Variants in PAPPA observed in about 807,000 individuals in gnomAD.
PAPPA encodes pappalysin 1, also known as pappalysin-1.
In PAPPA, 60 loss-of-function variants were observed where a neutral mutation model predicts 164.0. The observed-to-expected ratio is 0.37, with a 90% CI of 0.30 to 0.45. The LOEUF (loss-of-function observed/expected upper bound fraction) is 0.45. Ranked by LOEUF, PAPPA falls within the 20% of genes least tolerant of loss-of-function variation. The probability of loss-of-function intolerance (pLI) is 1.00; values close to 1 mark genes in which losing one functional copy is unlikely to be tolerated. For missense variants in PAPPA, 1,782 were observed against 2,087.3 expected, an observed-to-expected ratio of 0.85 and a Z score of 2.85; for synonymous variants, 875 against 814.1, an observed-to-expected ratio of 1.07 and a Z score of -1.27.
chr9:116,317,046 A>G (rs950649187), intron 10 of PAPPA, among the ~76,000 whole-genome samples: 2 of 152,160 alleles, frequency 1.3e-5, no homozygotes, highest in South Asian at 2.1e-4. Flanking sequence ...TTCAATTTCA[A>G]CACAATCTGG....
Position 116,154,217 on chromosome 9 carries a change from C to A in PAPPA, c.45C>A (p.Ala15=). Residue 15 remains alanine, a synonymous_variant, in exon 1 of 22, where the codon GCC becomes GCA. Coordinates refer to ENST00000328252, the MANE Select transcript of PAPPA (RefSeq NM_002581.5). The surrounding 1 kb of genome is among the most constrained non-coding windows in gnomAD (Gnocchi z 5.2). ...SWVLHLGLLS[A]ALGCGLAERP... is the part of the protein sequence containing the mutation. ...TGCTGCACCTGGGGCTGCTGAGCGC[C>A]GCGCTGGGCTGCGGGCTGGCCGAGC... 1 of 1,466,338 alleles carries A rather than the reference C, an allele frequency of 6.8e-7. No homozygotes were observed. The allele number at this position is 1,466,338 out of a possible 1,614,324, so 90.8% of individuals were successfully genotyped here. A position where few individuals can be genotyped will look rare whatever the true frequency, so the allele number is the denominator to read the frequency against.
intron 1 of PAPPA, among the ~76,000 whole-genome samples, chr9:116,161,744 G>A (rs989029677): frequency 6.6e-6 from 1 of 151,610 alleles, no homozygotes. Flanking sequence ...GGTAGTGGTT[G>A]GTGAGAGATT....
chr9:116,189,441 T>A (rs1844016461), intron 2 of PAPPA, among the ~76,000 whole-genome samples: 1 of 152,162 alleles, frequency 6.6e-6, no homozygotes, highest in Non-Finnish European at 1.5e-5. Flanking sequence ...AATTTTGACA[T>A]CAGAAATTGG....
chr9:116,239,716 A>G (rs983609745), intron 7 of PAPPA, among the ~76,000 whole-genome samples: 1 of 152,178 alleles, frequency 6.6e-6, no homozygotes, highest in Non-Finnish European at 1.5e-5. Context: ...ACAGGCCTCA[A>G]ACTTAAGTCT....
At chr9:116,215,978 A>G (rs1439676148) in intron 4 of PAPPA, among the ~76,000 whole-genome samples, 3 of 152,200 alleles carry the variant, frequency 2.0e-5, no homozygotes, top group Non-Finnish European at 4.4e-5. Context: ...ATATACACAC[A>G]TATACCTTAG....
At chr9:116,344,799 A>G in intron 14 of PAPPA, 88 bp downstream of exon 14, 2 of 1,177,768 alleles carry the variant, frequency 1.7e-6, no homozygotes, top group Non-Finnish European at 2.4e-6. Flanking sequence ...AATACCCAGC[A>G]GCACTTAAAA....
intron 10 of PAPPA, among the ~76,000 whole-genome samples, chr9:116,314,392 A>G (rs1388100652): frequency 6.6e-6 from 1 of 151,992 alleles, no homozygotes; most frequent in African/African-American, 2.4e-5. Context: ...TTAAAATGAC[A>G]TTTCTCTTTC....
chr9:116,204,750 T>C (rs7866936), intron 2 of PAPPA, among the ~76,000 whole-genome samples: 4,587 of 152,274 alleles, frequency 0.03, 233 homozygotes, highest in African/African-American at 0.1. Context: ...CAATTTACGA[T>C]GTATACACAG....
At position 116,154,349 on chromosome 9, in the gene PAPPA, G is replaced by A. The variant is rs1843573386; in HGVS notation, c.177G>A (p.Pro59=). The A allele has an allele frequency of 1.3e-6, 1 of 798,532 alleles. No individual in the cohort carries two copies. The highest frequency in any genetic ancestry group is 1.5e-6 in the Non-Finnish European group (1 of 661,162). The allele number at this position is 798,532 out of a possible 1,614,324, so 49.5% of individuals were successfully genotyped here. The change falls in exon 1 of 22, where the codon CCG becomes CCA. Residue 59 remains proline (P), a synonymous_variant. Transcript: ENST00000328252. This position sits in a 1 kb window ranked among gnomAD's most constrained non-coding sequence, Gnocchi z 5.2. ...TRAARGRRAS[P]PPPPPPGGAW... is the part of the protein sequence containing the mutation. ...CGGCCCGCGGCCGCCGCGCCTCGCCGCCGCCGCCGCCGCCGCCGGGCGGTG... is the reference window on the plus strand; with the variant it reads ...CGGCCCGCGGCCGCCGCGCCTCGCCACCGCCGCCGCCGCCGCCGGGCGGTG...
In PAPPA at chr9:116,299,641, G is replaced by A. The variant is rs576605472; in HGVS notation, c.2954-3116G>A. 2.0e-5 allele frequency among the ~76,000 whole-genome samples: 3 copies of A among 152,246 alleles called. No homozygotes were observed. The South Asian group carries it at 6.2e-4, about 32-fold the overall frequency. ...CACCCCTATGATCTTATTTCCAAGA[G>A]GTTGTTTTCGTCATTCTGTAGCTGT... On this transcript the variant is annotated intron_variant, in intron 9 of 21. Coordinates refer to ENST00000328252, the MANE Select transcript of PAPPA (RefSeq NM_002581.5).
chr9:116,269,252 G>C (rs1055947234), intron 8 of PAPPA, among the ~76,000 whole-genome samples: 5 of 152,148 alleles, frequency 3.3e-5, no homozygotes, highest in African/African-American at 1.2e-4. Context: ...GATTACAGAG[G>C]TTTTCTCAAG....
chr9:116,367,367 C>A (rs116744803), intron 18 of PAPPA, among the ~76,000 whole-genome samples: 251 of 152,220 alleles, frequency 1.6e-3, no homozygotes, highest in African/African-American at 5.9e-3. Flanking sequence ...ATGTGGGGAG[C>A]CTTGGAAAGG....
At chr9:116,206,649 G>A (rs184306134) in intron 2 of PAPPA, among the ~76,000 whole-genome samples, 7 of 152,284 alleles carry the variant, frequency 4.6e-5, no homozygotes, top group Admixed American at 4.6e-4. Flanking sequence ...CCACAAGTGT[G>A]TATTATGTAA....
At chr9:116,340,019 G>A (rs1470406513) in intron 13 of PAPPA, among the ~76,000 whole-genome samples, 1 of 152,104 alleles carries the variant, frequency 6.6e-6, no homozygotes, top group Non-Finnish European at 1.5e-5. Context: ...TGCACCCCAG[G>A]GACCTCCACT....
At chr9:116,266,203 A>T (rs1845066465) in intron 8 of PAPPA, among the ~76,000 whole-genome samples, 1 of 152,190 alleles carries the variant, frequency 6.6e-6, no homozygotes, top group Non-Finnish European at 1.5e-5. Flanking sequence ...CGACTATGTA[A>T]TACAATATAT....
At chr9:116,395,938 C>G (rs1419237454) in intron 21 of PAPPA, among the ~76,000 whole-genome samples, 11 of 152,148 alleles carry the variant, frequency 7.2e-5, no homozygotes, top group Admixed American at 7.2e-4. Flanking sequence ...TTCACTTGAT[C>G]ACTTATACAT....
At chr9:116,290,618 C>G (rs1325227886) in intron 9 of PAPPA, among the ~76,000 whole-genome samples, 1 of 152,068 alleles carries the variant, frequency 6.6e-6, no homozygotes, top group African/African-American at 2.4e-5. Context: ...ATTACTGTAG[C>G]AGGCTGCAGA....
chr9:116,318,429 A>G (rs909887636), intron 10 of PAPPA: 2 of 152,178 alleles, frequency 1.3e-5, no homozygotes, highest in African/African-American at 4.8e-5. Flanking sequence ...TGTTGAATGA[A>G]TGAATGACAG....
chr9:116,241,750 T>C (rs1005935566), intron 7 of PAPPA, among the ~76,000 whole-genome samples: 1 of 152,152 alleles, frequency 6.6e-6, no homozygotes, highest in Non-Finnish European at 1.5e-5. Flanking sequence ...TGATATGTAA[T>C]GTCATATTAA....
Sources: gnomAD v4.1 joint callset for allele counts (sites outside exome capture counted in the v4.1 genomes callset) on GRCh38, gnomAD v4.1.1 for gene constraint, Gnocchi (gnomAD v3.1) non-coding constraint, MANE v1.5 for transcripts, NCBI Gene and HGNC (gene_info 2026-07-23, HGNC 2026-07-21) for gene names.